MTCL1: variants seen among roughly 807,000 people sequenced by gnomAD.
The protein encoded by MTCL1 is microtubule cross-linking factor 1.
Under a neutral mutation model 141.4 loss-of-function variants are expected in MTCL1, and 79 were observed. The ratio of observed to expected loss-of-function variants is 0.56; its 90% confidence interval spans 0.47 to 0.67. The LOEUF is 0.67. Among genes scored for constraint, MTCL1 ranks in the 30% least tolerant of loss-of-function variants. MTCL1 has a pLI of 0.00. For synonymous variants in MTCL1, 914 were observed against 875.8 expected, an observed-to-expected ratio of 1.04 and a Z score of -0.77; for missense variants, 2,177 against 2,113.9, an observed-to-expected ratio of 1.03 and a Z score of -0.59.
chr18:8,806,615 C>T (rs1047850922), intron 10 of MTCL1, among the ~76,000 whole-genome samples: 3 of 152,128 alleles, frequency 2.0e-5, no homozygotes, highest in Non-Finnish European at 2.9e-5. Context: ...CAGGTTCCGG[C>T]GTCTGAACAC....
chr18:8,791,406 T>G (rs1208870745), intron 7 of MTCL1, among the ~76,000 whole-genome samples: 5 of 150,180 alleles, frequency 3.3e-5, no homozygotes. Flanking sequence ...AGGAAACCAA[T>G]CTGGAGGCAC....
chr18:8,768,789 CTTTTTTTT>C (rs773958752), intron 4 of MTCL1, among the ~76,000 whole-genome samples: 1 of 117,898 alleles, frequency 8.5e-6, no homozygotes, highest in Non-Finnish European at 1.7e-5. Context: ...CTTTTCTTCT[CTTTTTTTT>C]TTTTTTTTTT....
chr18:8,794,212 G>A (rs2075834055), intron 8 of MTCL1, among the ~76,000 whole-genome samples: 1 of 152,218 alleles, frequency 6.6e-6, no homozygotes, highest in South Asian at 2.1e-4. Flanking sequence ...TGAAAAGTGA[G>A]TTTATCACTG....
chr18:8,784,410 C>T (rs2096543525), exon 6 of MTCL1: 1 of 1,527,484 alleles, frequency 6.5e-7, no homozygotes. Context: ...AGCGGGAAGC[C>T]ATCGGAGGCC....
chr18:8,759,428 G>T (rs2096418835), intron 4 of MTCL1, among the ~76,000 whole-genome samples: 1 of 152,194 alleles, frequency 6.6e-6, no homozygotes, highest in Admixed American at 6.5e-5. Flanking sequence ...CTCTTTGAGG[G>T]TGAAGGGTTG....
At chr18:8,710,868 CTT>C (rs1479584025) in intron 1 of MTCL1, among the ~76,000 whole-genome samples, 1 of 32,150 alleles carries the variant, frequency 3.1e-5, no homozygotes, top group Non-Finnish European at 6.3e-5. Context: ...AATCTGTTTT[CTT>C]TTTTCTTTTT....
chr18:8,800,078 CCT>C (rs1357810040), intron 10 of MTCL1, among the ~76,000 whole-genome samples: 2 of 152,206 alleles, frequency 1.3e-5, no homozygotes, highest in African/African-American at 2.4e-5. Flanking sequence ...CATGCACAAC[CCT>C]CTGTCTGTCC....
chr18:8,786,110 T>TCCCCCCCCCAC lies in MTCL1; in HGVS notation c.1887+28_1887+29insACCCCCCCCCC. ...CCTGGAGGTCAGCGTGGGCAAGCAATCCCCCCCCCCCGCCCTCCCCCTCCT... is the reference window on the plus strand; with the variant it reads ...CCTGGAGGTCAGCGTGGGCAAGCAATCCCCCCCCCACCCCCCCCCCCCGCCCTCCCCCTCCT... On this transcript the variant is annotated intron_variant, in intron 7 of 16. Coordinates refer to ENST00000359865, the Ensembl canonical transcript of MTCL1. The TCCCCCCCCCAC allele has an allele frequency of 2.3e-6, 3 of 1,310,346 alleles. No homozygotes were observed. The highest frequency in any genetic ancestry group is 3.0e-6 in the Non-Finnish European group (3 of 990,148). The allele number at this position is 1,310,346 out of a possible 1,614,324, so 81.2% of individuals were successfully genotyped here.
At chr18:8,715,261 G>A (rs2096121635), upstream of MTCL1, among the ~76,000 whole-genome samples, 1 of 152,136 alleles carries the variant, frequency 6.6e-6, no homozygotes, top group Non-Finnish European at 1.5e-5. Flanking sequence ...TTAACATTAG[G>A]GTGGATGTGG....
At chr18:8,750,480 A>G (rs1415926728) in intron 4 of MTCL1, among the ~76,000 whole-genome samples, 1 of 152,112 alleles carries the variant, frequency 6.6e-6, no homozygotes. Flanking sequence ...GGCACCATGC[A>G]GAAAAGGCTG....
chr18:8,705,767 G>A lies in MTCL1; in HGVS notation c.107G>A (p.Arg36Gln). Residue 36 changes from arginine (R) to glutamine (Q), a missense_variant, in exon 1 of 14, where the codon CGG becomes CAG. Physicochemically the swap from Arg to Gln is conservative, Grantham distance 43 (BLOSUM62 1). Transcript: ENST00000306329. This position sits in a 1 kb window ranked among gnomAD's most constrained non-coding sequence, Gnocchi z 5.2. ...CACCTCCACCCGGTGGCCGAAAGGC[G>A]GCGGCTGCACCGTGCGCCCTCGCCC... 8.3e-7 allele frequency: 1 copy of A among 1,201,248 alleles called. No individual in the cohort carries two copies. The allele number at this position is 1,201,248 out of a possible 1,614,324, so 74.4% of individuals were successfully genotyped here.
chr18:8,807,235 T>A (rs2076331534), intron 11 of MTCL1, among the ~76,000 whole-genome samples, 175 bp downstream of exon 10: 2 of 152,136 alleles, frequency 1.3e-5, no homozygotes, highest in Non-Finnish European at 2.9e-5. Flanking sequence ...TTTTCCCTGA[T>A]GTCCCCTCTC....
intron 4 of MTCL1, among the ~76,000 whole-genome samples, chr18:8,751,278 G>T (rs982910409): frequency 6.6e-6 from 1 of 152,176 alleles, no homozygotes; most frequent in Admixed American, 6.5e-5. Context: ...TCAAAAGAAG[G>T]CTCCAGAAGG....
intron 5 of MTCL1, among the ~76,000 whole-genome samples, chr18:8,781,179 CAAAAAAAAAAAA>C (rs56370900): frequency 2.1e-4 from 14 of 67,388 alleles, no homozygotes; most frequent in African/African-American, 6.6e-4. Context: ...GACTCCATCT[CAAAAAAAAAAAA>C]AAAAAAAAAA....
chr18:8,817,977 C>G (rs1291042512), intron 12 of MTCL1, among the ~76,000 whole-genome samples: 1 of 152,172 alleles, frequency 6.6e-6, no homozygotes, highest in East Asian at 1.9e-4. Context: ...AGGCCGTGCG[C>G]CCTGCAAGCC....
At chr18:8,816,582 A>T (rs988922513) in intron 12 of MTCL1, among the ~76,000 whole-genome samples, 6 of 152,214 alleles carry the variant, frequency 3.9e-5, no homozygotes, top group African/African-American at 1.4e-4. Flanking sequence ...CCCAGTTAAC[A>T]TGCAGATGAT....
intron 12 of MTCL1, among the ~76,000 whole-genome samples, chr18:8,816,586 A>G (rs1185727871): frequency 6.6e-6 from 1 of 152,220 alleles, no homozygotes; most frequent in African/African-American, 2.4e-5. Flanking sequence ...GTTAACATGC[A>G]GATGATGTAA....
rs2096524002 is a variant in MTCL1, at chr18:8,779,115, G to A, written c.417+1223G>A. On this transcript the variant is annotated intron_variant, in intron 5 of 16. Coordinates refer to ENST00000359865, the Ensembl canonical transcript of MTCL1. This position sits in a 1 kb window ranked among gnomAD's most constrained non-coding sequence, Gnocchi z 4.1. ...AAGCTGGCGCCCCGGCGCAAGGTAGGCACGTGGGCAGTCACCCGCTCAGGG... is the reference window on the plus strand; with the variant it reads ...AAGCTGGCGCCCCGGCGCAAGGTAGACACGTGGGCAGTCACCCGCTCAGGG... Among the ~76,000 whole-genome samples, 1 of 152,268 alleles carries A rather than the reference G, an allele frequency of 6.6e-6. No individual in the cohort carries two copies. The highest frequency in any genetic ancestry group is 6.5e-5 in the Admixed American group (1 of 15,290).
chr18:8,736,920 G>A (rs183897997), intron 4 of MTCL1, among the ~76,000 whole-genome samples: 113 of 152,236 alleles, frequency 7.4e-4, no homozygotes, highest in African/African-American at 2.1e-3. Flanking sequence ...GATTACAGGC[G>A]TGAGCCACTG....
Sources: allele counts gnomAD v4.1 joint callset (sites outside exome capture counted in the v4.1 genomes callset), GRCh38; gene constraint gnomAD v4.1.1; non-coding constraint Gnocchi (gnomAD v3.1); transcripts MANE v1.5; gene names NCBI Gene and HGNC (gene_info 2026-07-23, HGNC 2026-07-21).